SLC25A34: variants seen among roughly 807,000 people sequenced by gnomAD.
SLC25A34 encodes the protein solute carrier family 25 member 34.
In SLC25A34, 26 loss-of-function variants were observed where a neutral mutation model predicts 28.1. The ratio of observed to expected loss-of-function variants is 0.93; its 90% CI spans 0.68 to 1.28. SLC25A34 has a LOEUF of 1.28. Among genes scored for constraint, SLC25A34 ranks in the 50% most tolerant of loss-of-function variants. SLC25A34 has a pLI of 0.00. For missense variants in SLC25A34, 384 were observed against 409.8 expected (o/e 0.94, Z 0.54); for synonymous variants, 182 against 182.2 (o/e 1.00, Z 0.01).
Position 15,736,307 on chromosome 1 carries a change from G to T in SLC25A34, c.-179G>T. ...GCAGGTGGACTGCTGAGATAGACCA[G>T]GGACACCAGGCAGCCACAGGCCTGT... On this transcript the variant is annotated 5_prime_UTR_variant, in exon 1 of 5. The change creates a new upstream start codon in the 5' untranslated region. Transcript: ENST00000294454. 1.9e-6 allele frequency: 1 copy of T among 530,562 alleles called. No homozygotes were observed. The highest frequency in any genetic ancestry group is 2.9e-6 in the Non-Finnish European group (1 of 342,144). 32.9% of individuals were successfully genotyped at this position (530,562 alleles called of 1,614,324 possible).
chr1:15,738,787 C>T (rs1266351185), intron 4 of SLC25A34, 59 bp downstream of exon 4: 4 of 1,402,578 alleles, frequency 2.9e-6, no homozygotes, highest in Non-Finnish European at 2.8e-6. Context: ...CCCCAACACA[C>T]ACACACACAC....
chr1:15,739,141 G>A, intron 4 of SLC25A34, 83 bp from the exon 5 acceptor site: 4 of 1,519,738 alleles, frequency 2.6e-6, no homozygotes, highest in Non-Finnish European at 3.6e-6. Context: ...GTGTGGGGGT[G>A]AAATTGACCC....
At chr1:15,737,109 T>A (rs1260348751) in intron 1 of SLC25A34, among the ~76,000 whole-genome samples, 1 of 152,086 alleles carries the variant, frequency 6.6e-6, no homozygotes, top group Non-Finnish European at 1.5e-5. Flanking sequence ...GGGCAGAGGG[T>A]GTCAGATGTG....
At chr1:15,739,114 G>A in intron 4 of SLC25A34, 110 bp from the exon 5 acceptor site, 18 of 1,356,902 alleles carry the variant, frequency 1.3e-5, no homozygotes, top group Non-Finnish European at 1.7e-5. Flanking sequence ...CCAATACAAA[G>A]GTGCTGTCCA....
At position 15,736,655 on chromosome 1, in the gene SLC25A34, T is replaced by C; in HGVS notation, c.170T>C (p.Val57Ala). 1 of 1,596,630 alleles carries C rather than the reference T, an allele frequency of 6.3e-7. No individual in the cohort carries two copies. The highest frequency in any genetic ancestry group is 8.5e-7 in the Non-Finnish European group (1 of 1,172,608). ...CCCTACCATGGCTTCATAGCCTCTG[T>C]CGCTGCTGTGGCCCGAGCAGACGGG... ...PRPYHGFIASVAAVARADGLW... is the reference protein window; with the variant it reads ...PRPYHGFIASAAAVARADGLW... The change falls in exon 1 of 5, where the codon GTC becomes GCC. Residue 57 changes from valine (V) to alanine (A), a missense_variant. By Grantham distance (64) the Val-to-Ala change is moderately conservative (BLOSUM62 0). Transcript: ENST00000294454.
In SLC25A34 at chr1:15,736,570, G is replaced by A; in HGVS notation, c.85G>A (p.Val29Met). ...LACVFTNPLEVVKTRLQLQGE... is the reference protein window; with the variant it reads ...LACVFTNPLEMVKTRLQLQGE... ...CTGTGTCTTCACCAACCCCCTGGAG[G>A]TGGTGAAGACGCGGCTGCAGCTGCA... Residue 29 changes from valine to methionine, a missense_variant, in exon 1 of 5, where the codon GTG (valine) becomes ATG (methionine). Transcript: ENST00000294454. The A allele has an allele frequency of 1.3e-6, 2 of 1,504,652 alleles. No homozygotes were observed. The highest frequency in any genetic ancestry group is 2.6e-5 in the South Asian group (2 of 76,218). The allele number at this position is 1,504,652 out of a possible 1,614,324, so 93.2% of individuals were successfully genotyped here. A position where few individuals can be genotyped will look rare whatever the true frequency, so the allele number is the denominator to read the frequency against.
rs1219276192 is a variant in SLC25A34 at position 15,740,922 on chromosome 1, T to TG, written c.*1517dup. The stretch of plus-strand genomic sequence containing the variant: ...CAGGCTGGTCTTGAATGCCTGACCT[T>TG]GCCGCCCGCCTCGGCCTCCCAAAAT... On this transcript the variant is annotated 3_prime_UTR_variant, in exon 5 of 5. Coordinates refer to ENST00000294454, the MANE Select transcript of SLC25A34 (RefSeq NM_207348.3). The TG allele has an allele frequency of 6.6e-6, 1 of 151,416 alleles. No homozygotes were observed. The highest frequency in any genetic ancestry group is 1.5e-5 in the Non-Finnish European group (1 of 67,920). 9.4% of individuals were successfully genotyped at this position (151,416 alleles called of 1,614,324 possible).
In SLC25A34 at chr1:15,736,379, A is replaced by G; in HGVS notation, c.-107A>G. The stretch of plus-strand genomic sequence containing the variant: ...TAGACATGGCCTCGGTCCCCTGCAA[A>G]CCCCAGCCCCGTAGCCCTGCGAGGT... On this transcript the variant is annotated 5_prime_UTR_variant, in exon 1 of 5. Transcript: ENST00000294454. The G allele has an allele frequency of 8.0e-7, 1 of 1,249,834 alleles. No homozygotes were observed. Among genetic ancestry groups the G allele is most frequent in the Non-Finnish European group, 1.0e-6 (1 of 979,196 alleles). 77.4% of individuals were successfully genotyped at this position (1,249,834 alleles called of 1,614,324 possible).
At chr1:15,737,813 G>T (rs887903711) in intron 1 of SLC25A34, 116 bp from the exon 2 acceptor site, 2 of 1,149,262 alleles carry the variant, frequency 1.7e-6, no homozygotes, top group East Asian at 2.4e-5. Context: ...CTTCAGGCTC[G>T]GGACCATGGA....
Position 15,740,385 on chromosome 1 carries a change from C to G in SLC25A34, c.*979C>G, listed in dbSNP as rs2068268728. ...CTTGGCCTCCTAGGTTCAAGCAATT[C>G]TCCTGCCCCAGCCTCCTGAGTAGCT... On this transcript the variant is annotated 3_prime_UTR_variant, in exon 5 of 5. Transcript: ENST00000294454. The G allele has an allele frequency of 6.6e-6, 1 of 151,828 alleles. No homozygotes were observed. The highest frequency in any genetic ancestry group is 6.6e-5 in the Admixed American group (1 of 15,232). 9.4% of individuals were successfully genotyped at this position (151,828 alleles called of 1,614,324 possible). A position where few individuals can be genotyped will look rare whatever the true frequency, so the allele number is the denominator to read the frequency against.
chr1:15,739,051 A>G, intron 4 of SLC25A34, 173 bp from the exon 5 acceptor site: 1 of 807,312 alleles, frequency 1.2e-6, no homozygotes, highest in Non-Finnish European at 1.9e-6. Context: ...CAGAACTGGA[A>G]TTCAGGCCTG....
intron 1 of SLC25A34, chr1:15,737,636 C>G (rs1240047937): frequency 4.8e-6 from 2 of 412,610 alleles, no homozygotes; most frequent in East Asian, 8.3e-5. Context: ...TTGCCCTTGG[C>G]TGGTGCTGGA....
intron 1 of SLC25A34, among the ~76,000 whole-genome samples, chr1:15,737,158 T>A (rs1290284182): frequency 1.3e-5 from 2 of 152,222 alleles, no homozygotes; most frequent in Non-Finnish European, 1.5e-5. Flanking sequence ...TCTTCCCGCA[T>A]GGCCTCATGT....
chr1:15,736,426 C>T lies in SLC25A34; in HGVS notation c.-60C>T. On this transcript the variant is annotated 5_prime_UTR_variant, in exon 1 of 5. Transcript: ENST00000294454. Reference sequence around the variant, plus strand: ...AGGTTACAGACAGCCTAAACGCCACCACCACAGGGCCTGTGCCGTGCCCCT... The same window carrying T: ...AGGTTACAGACAGCCTAAACGCCACTACCACAGGGCCTGTGCCGTGCCCCT... 1.5e-6 allele frequency: 2 copies of T among 1,374,290 alleles called. No individual in the cohort carries two copies. The highest frequency in any genetic ancestry group is 1.9e-6 in the Non-Finnish European group (2 of 1,068,638). 85.1% of individuals were successfully genotyped at this position (1,374,290 alleles called of 1,614,324 possible). A position where few individuals can be genotyped will look rare whatever the true frequency, so the allele number is the denominator to read the frequency against.
In SLC25A34 at chr1:15,736,478, C is replaced by T. The variant is rs775941972; in HGVS notation, c.-8C>T. 40 of 1,441,998 alleles carry T rather than the reference C, an allele frequency of 2.8e-5. No individual in the cohort carries two copies. The highest frequency in any genetic ancestry group is 2.3e-4 in the South Asian group (15 of 66,456). The allele number at this position is 1,441,998 out of a possible 1,614,324, so 89.3% of individuals were successfully genotyped here. ...ACCCGGGCACAGAAGGCCACTGGCC[C>T]GGAGGCCATGGAGACGGTGCCCCCA... On this transcript the variant is annotated 5_prime_UTR_variant, in exon 1 of 5. Transcript: ENST00000294454.
At chr1:15,736,977 G>T (rs888882547) in intron 1 of SLC25A34, 114 bp downstream of exon 1, 34 of 1,336,590 alleles carry the variant, frequency 2.5e-5, no homozygotes, top group Non-Finnish European at 3.2e-5. Flanking sequence ...TGGGGCAGCC[G>T]GGGTGGGGCT....
In SLC25A34 at chr1:15,738,576, C is replaced by A; in HGVS notation, c.598-18C>A. 4 of 1,604,280 alleles carry A rather than the reference C, an allele frequency of 2.5e-6. No individual in the cohort carries two copies. Among genetic ancestry groups the A allele is most frequent in the Non-Finnish European group, 3.4e-6 (4 of 1,177,038 alleles). ...TAGAGAGCTGTTGCAGGGATCAGCA[C>A]CTGTGCCATCCCCACAGTGGCTCCC... On this transcript the variant is annotated intron_variant, in intron 3 of 4. Transcript: ENST00000294454.
In SLC25A34 at chr1:15,738,198, C is replaced by T. The variant is rs760087602; in HGVS notation, c.550C>T (p.Gln184Ter). 2.5e-6 allele frequency: 4 copies of T among 1,605,134 alleles called. No individual in the cohort carries two copies. The African/African-American group carries it at 4.0e-5, about 16-fold the overall frequency. The change falls in exon 3 of 5, where the codon CAG becomes TAG. Residue 184 changes from glutamine (Q) to a stop codon, truncating the protein, a stop_gained. Coordinates refer to ENST00000294454, the MANE Select transcript of SLC25A34 (RefSeq NM_207348.3). LOFTEE classifies it high-confidence loss of function. ...VPRVMVGSAAQLATFASAKAW... is the reference protein window; with the variant it reads ...VPRVMVGSAA ...CCGAGTCATGGTGGGCTCAGCTGCC[C>T]AGCTGGCCACCTTCGCCTCTGCCAA...
At chr1:15,737,002 C>A (rs2068231804) in intron 1 of SLC25A34, 139 bp downstream of exon 1, 1 of 1,210,724 alleles carries the variant, frequency 8.3e-7, no homozygotes, top group Non-Finnish European at 1.1e-6. Context: ...CCTGGAACAT[C>A]CTAGCCCAAG....
Sources: allele counts gnomAD v4.1 joint callset (sites outside exome capture counted in the v4.1 genomes callset), GRCh38; gene constraint gnomAD v4.1.1; transcripts MANE v1.5; gene names NCBI Gene and HGNC (gene_info 2026-07-23, HGNC 2026-07-21).